The following PKP4 variants were observed in gnomAD, a reference collection of about 807,000 sequenced individuals.
PKP4 encodes plakophilin-4.
In PKP4, 90 loss-of-function variants were observed where a neutral mutation model predicts 145.1. The observed-to-expected ratio is 0.62, with a 90% confidence interval of 0.52 to 0.74. The LOEUF is 0.74. Among genes scored for constraint, PKP4 ranks in the 30% least tolerant of loss-of-function variants. The probability of loss-of-function intolerance (pLI) is 0.00; values close to 1 mark genes in which losing one functional copy is unlikely to be tolerated. For synonymous variants in PKP4, 563 were observed against 577.2 expected (o/e 0.98, Z 0.35); for missense variants, 1,340 against 1,482.7 (o/e 0.90, Z 1.58).
intron 1 of PKP4, among the ~76,000 whole-genome samples, chr2:158,532,640 A>C (rs201184017): frequency 2.6e-5 from 4 of 151,940 alleles, no homozygotes; most frequent in Non-Finnish European, 4.4e-5. Flanking sequence ...CCAAGAACCT[A>C]TTCTATCATA....
intron 1 of PKP4, among the ~76,000 whole-genome samples, chr2:158,469,908 G>A (rs763567493): frequency 8.5e-5 from 13 of 152,128 alleles, no homozygotes; most frequent in Non-Finnish European, 1.5e-4. Flanking sequence ...TTCTCTGCCT[G>A]GTGAGCCCTT....
chr2:158,509,559 C>T (rs1258386812), intron 1 of PKP4, among the ~76,000 whole-genome samples: 1 of 152,110 alleles, frequency 6.6e-6, no homozygotes, highest in Non-Finnish European at 1.5e-5. Flanking sequence ...TTGTTAACAG[C>T]TTTCTAGATT....
intron 3 of PKP4, among the ~76,000 whole-genome samples, chr2:158,592,173 G>A (rs2049323888): frequency 6.6e-6 from 1 of 151,934 alleles, no homozygotes; most frequent in Non-Finnish European, 1.5e-5. Flanking sequence ...GCAGTAGTTA[G>A]GAACATGTGG....
intron 2 of PKP4, among the ~76,000 whole-genome samples, chr2:158,566,711 A>C (rs1279312723): frequency 6.6e-6 from 1 of 152,142 alleles, no homozygotes; most frequent in Non-Finnish European, 1.5e-5. Context: ...TTTCCTTGTG[A>C]TACCTCTTTT....
At chr2:158,498,938 A>G (rs1044212223) in intron 1 of PKP4, among the ~76,000 whole-genome samples, 5 of 151,642 alleles carry the variant, frequency 3.3e-5, no homozygotes, top group Admixed American at 6.6e-5. Context: ...GCCTGTGGCC[A>G]CAGAAGAGAA....
chr2:158,647,134 C>G (rs1398845825), intron 11 of PKP4, among the ~76,000 whole-genome samples: 2 of 152,180 alleles, frequency 1.3e-5, no homozygotes, highest in Non-Finnish European at 2.9e-5. Flanking sequence ...TGCCCATCTC[C>G]TATAAAGTCC....
At chr2:158,521,903 G>C (rs185617396) in intron 1 of PKP4, among the ~76,000 whole-genome samples, 2 of 152,176 alleles carry the variant, frequency 1.3e-5, no homozygotes, top group Non-Finnish European at 2.9e-5. Context: ...ACTTTTATCT[G>C]ACATTAGTAT....
At chr2:158,502,811 A>G (rs1456456809) in intron 1 of PKP4, among the ~76,000 whole-genome samples, 1 of 152,248 alleles carries the variant, frequency 6.6e-6, no homozygotes, top group Non-Finnish European at 1.5e-5. Context: ...CAACTTTTAC[A>G]GTGTGTTAGA....
intron 4 of PKP4, among the ~76,000 whole-genome samples, chr2:158,609,425 A>G (rs1436775887): frequency 1.3e-5 from 2 of 152,218 alleles, no homozygotes; most frequent in Non-Finnish European, 2.9e-5. Context: ...GGTTTCCTAT[A>G]CAAAATTTCA....
At chr2:158,638,962 C>T (rs1440263177) in intron 9 of PKP4, among the ~76,000 whole-genome samples, 2 of 152,144 alleles carry the variant, frequency 1.3e-5, no homozygotes, top group East Asian at 1.9e-4. Flanking sequence ...ATGTCACATC[C>T]TCTTACTCTC....
chr2:158,617,025 G>T (rs1412013224), intron 4 of PKP4, among the ~76,000 whole-genome samples: 1 of 152,128 alleles, frequency 6.6e-6, no homozygotes, highest in Non-Finnish European at 1.5e-5. Flanking sequence ...TAATATACCA[G>T]ATTTTCATAG....
At chr2:158,460,589 T>G (rs941960845) in intron 1 of PKP4, among the ~76,000 whole-genome samples, 1 of 152,212 alleles carries the variant, frequency 6.6e-6, no homozygotes, top group Non-Finnish European at 1.5e-5. Flanking sequence ...ATTAAGGTAT[T>G]TTGAGAATGC....
chr2:158,588,705 A>G (rs143601225), intron 3 of PKP4, among the ~76,000 whole-genome samples: 2 of 152,350 alleles, frequency 1.3e-5, no homozygotes, highest in African/African-American at 4.8e-5. Context: ...TACCTATAAT[A>G]TAATAATAAA....
Position 158,673,682 on chromosome 2 carries a change from C to A in PKP4, c.2930C>A (p.Ser977Tyr), listed in dbSNP as rs780085676. The A allele has an allele frequency of 1.6e-5, 25 of 1,609,218 alleles. No homozygotes were observed. The East Asian group carries it at 4.9e-4, about 32-fold the overall frequency. Reference sequence around the variant, plus strand: ...TATCCTTGCTCTCTACCTAGATCATCTCTGAAAGTGGTGAAGGCAGCAGCC... The same window carrying A: ...TATCCTTGCTCTCTACCTAGATCATATCTGAAAGTGGTGAAGGCAGCAGCC... ...NITKGRGDRS[S>Y]LKVVKAAAQV... The change falls in exon 18 of 22, where the codon TCT becomes TAT. Residue 977 changes from serine to tyrosine, a missense_variant. Ser to Tyr is a moderately radical substitution (Grantham distance 144). Coordinates refer to ENST00000389759, the MANE Select transcript of PKP4 (RefSeq NM_003628.6).
In PKP4 at chr2:158,533,209, T is replaced by C. The variant is rs765187803; in HGVS notation, c.25T>C (p.Leu9=). The C allele has an allele frequency of 5.6e-6, 9 of 1,613,436 alleles. No homozygotes were observed. The highest frequency in any genetic ancestry group is 3.3e-5 in the Admixed American group (2 of 59,954). Reference sequence around the variant, plus strand: ...AATGCCAGCTCCTGAGCAGGCCTCATTGGTGGAGGAGGGGCAACCACAGAC... The same window carrying C: ...AATGCCAGCTCCTGAGCAGGCCTCACTGGTGGAGGAGGGGCAACCACAGAC... MPAPEQAS[L]VEEGQPQTRQ... is the part of the protein sequence containing the mutation. The change falls in exon 2 of 22, where the codon TTG becomes CTG. Residue 9 remains leucine, a synonymous_variant. Transcript: ENST00000389759.
At chr2:158,464,331 A>G (rs77696192) in intron 1 of PKP4, among the ~76,000 whole-genome samples, 16,869 of 152,240 alleles carry the variant, frequency 0.11, 1,224 homozygotes, top group Non-Finnish European at 0.15. Flanking sequence ...CATATAGACA[A>G]TCTACCAGTG....
intron 1 of PKP4, among the ~76,000 whole-genome samples, chr2:158,479,594 T>C (rs1693032811): frequency 6.6e-6 from 1 of 152,232 alleles, no homozygotes; most frequent in East Asian, 1.9e-4. Context: ...TATAGTCTTA[T>C]TAAGCTTCTA....
Position 158,625,057 on chromosome 2 carries a change from T to TTC in PKP4, c.784_785dup (p.Ser263ProfsTer55). On this transcript the variant is annotated frameshift_variant, in exon 7 of 22. Transcript: ENST00000389759. LOFTEE classifies it high-confidence loss of function. ...CCCGACCTCTGAACCCCAGTGCATATTCCTCCACCACATTACCTGCTGCAC... is the reference window on the plus strand; with the variant it reads ...CCCGACCTCTGAACCCCAGTGCATATTCTCCTCCACCACATTACCTGCTGCAC... 1 of 1,614,180 alleles carries TTC rather than the reference T, an allele frequency of 6.2e-7. No individual in the cohort carries two copies. The highest frequency in any genetic ancestry group is 8.5e-7 in the Non-Finnish European group (1 of 1,180,030).
intron 12 of PKP4, chr2:158,659,818 G>GC (rs1248922948): frequency 6.6e-6 from 1 of 151,204 alleles, no homozygotes; most frequent in African/African-American, 2.5e-5. Context: ...GATGGGGTTT[G>GC]CATTTTATTC....
Sources: allele counts gnomAD v4.1 joint callset (sites outside exome capture counted in the v4.1 genomes callset), GRCh38; gene constraint gnomAD v4.1.1; transcripts MANE v1.5; gene names NCBI Gene and HGNC (gene_info 2026-07-23, HGNC 2026-07-21).